The following NXPE2 variants were observed in gnomAD, a reference collection of about 807,000 sequenced individuals.
The protein encoded by NXPE2 is NXPE family member 2.
In NXPE2, 34 loss-of-function variants were observed where a neutral mutation model predicts 34.4. That is an observed-to-expected ratio of 0.99 (90% CI 0.75 to 1.31). The LOEUF is 1.31. Ranked by LOEUF, NXPE2 falls within the 40% of genes most tolerant of loss-of-function variation. NXPE2 has a pLI of 0.00. For synonymous variants in NXPE2, 235 were observed against 231.3 expected (o/e 1.02, Z -0.15); for missense variants, 649 against 672.5 (o/e 0.97, Z 0.39).
intron 2 of NXPE2, among the ~76,000 whole-genome samples, chr11:114,693,629 T>G (rs1951194188): frequency 6.6e-6 from 1 of 152,132 alleles, no homozygotes; most frequent in South Asian, 2.1e-4. Context: ...AATGCTTGTT[T>G]TAAAAATAAA....
At chr11:114,804,891 A>G in the NXPE2 span, among the ~76,000 whole-genome samples, 1 of 152,220 alleles carries the variant, frequency 6.6e-6, no homozygotes, top group African/African-American at 2.4e-5. Flanking sequence ...CACTCTGTAG[A>G]CTACTATCCA....
At chr11:114,807,339 C>T in the NXPE2 span, among the ~76,000 whole-genome samples, 559 of 152,244 alleles carry the variant, frequency 3.7e-3, 1 homozygote, top group Middle Eastern at 0.02. Context: ...TCACACATAA[C>T]AATATTAACT....
the NXPE2 span, among the ~76,000 whole-genome samples, chr11:114,507,094 C>T: frequency 6.6e-6 from 1 of 151,958 alleles, no homozygotes; most frequent in Non-Finnish European, 1.5e-5. Context: ...ATTATAAACA[C>T]CTCTATGTAC....
chr11:114,705,449 C>T (rs1215734462), intron 4 of NXPE2, among the ~76,000 whole-genome samples: 3 of 152,194 alleles, frequency 2.0e-5, no homozygotes, highest in African/African-American at 7.2e-5. Context: ...CCACTGTGCC[C>T]TGCTATTTCA....
chr11:114,705,022 A>G (rs983182296), intron 4 of NXPE2, among the ~76,000 whole-genome samples: 1 of 152,200 alleles, frequency 6.6e-6, no homozygotes, highest in Non-Finnish European at 1.5e-5. Context: ...AAGTTCCTCA[A>G]TGTGTACCCC....
At chr11:114,627,846 C>CA in the NXPE2 span, among the ~76,000 whole-genome samples, 1 of 150,344 alleles carries the variant, frequency 6.7e-6, no homozygotes, top group Admixed American at 6.6e-5. Context: ...AAATGGAAAA[C>CA]AAAAAAATGC....
the NXPE2 span, among the ~76,000 whole-genome samples, chr11:114,578,517 T>C: frequency 1.3e-5 from 2 of 152,148 alleles, no homozygotes; most frequent in Non-Finnish European, 2.9e-5. Flanking sequence ...TTACCAGAGA[T>C]CACAATTTAA....
intron 2 of NXPE2, among the ~76,000 whole-genome samples, chr11:114,681,873 G>T (rs1421202461): frequency 6.6e-6 from 1 of 152,196 alleles, no homozygotes; most frequent in South Asian, 2.1e-4. Context: ...GAACCTATTA[G>T]TAATATCTTA....
At chr11:114,493,288 T>A in the NXPE2 span, among the ~76,000 whole-genome samples, 1 of 152,194 alleles carries the variant, frequency 6.6e-6, no homozygotes, top group African/African-American at 2.4e-5. Flanking sequence ...TTACTTTTGA[T>A]TGAAGAGTTT....
the NXPE2 span, among the ~76,000 whole-genome samples, chr11:114,608,494 T>C: frequency 2.7e-5 from 4 of 150,656 alleles, no homozygotes; most frequent in African/African-American, 9.7e-5. Flanking sequence ...CAATGTTACC[T>C]GGTAGATGAT....
chr11:114,494,940 G>A, the NXPE2 span, among the ~76,000 whole-genome samples: 1 of 152,242 alleles, frequency 6.6e-6, no homozygotes. Context: ...CCTAAACCCA[G>A]TAATACTGTG....
the NXPE2 span, among the ~76,000 whole-genome samples, chr11:114,486,562 A>C: frequency 6.6e-6 from 1 of 152,116 alleles, no homozygotes; most frequent in Non-Finnish European, 1.5e-5. Flanking sequence ...ATAGTCAAGA[A>C]ATCCTTGACT....
At chr11:114,562,950 A>G in the NXPE2 span, among the ~76,000 whole-genome samples, 2 of 152,038 alleles carry the variant, frequency 1.3e-5, no homozygotes, top group African/African-American at 4.8e-5. Context: ...AGAGAGACCC[A>G]TTTCTTTTCA....
the NXPE2 span, among the ~76,000 whole-genome samples, chr11:114,624,737 C>A: frequency 4.0e-5 from 6 of 150,986 alleles, no homozygotes; most frequent in Admixed American, 6.6e-5. Flanking sequence ...GTATTGCCTC[C>A]AGGGTAACCA....
the NXPE2 span, among the ~76,000 whole-genome samples, chr11:114,670,269 G>A: frequency 6.6e-6 from 1 of 152,044 alleles, no homozygotes; most frequent in Non-Finnish European, 1.5e-5. Flanking sequence ...TGGTCAAAGA[G>A]AGCCTTGATA....
the NXPE2 span, among the ~76,000 whole-genome samples, chr11:114,567,594 T>C: frequency 6.6e-6 from 1 of 152,230 alleles, no homozygotes; most frequent in Non-Finnish European, 1.5e-5. Context: ...AGTTTAGTAA[T>C]TCTTTATATC....
chr11:114,602,106 A>T, the NXPE2 span, among the ~76,000 whole-genome samples: 1 of 97,292 alleles, frequency 1.0e-5, no homozygotes. Flanking sequence ...ATATATTATA[A>T]TATATATAAT....
chr11:114,627,427 T>G, the NXPE2 span, among the ~76,000 whole-genome samples: 1 of 151,376 alleles, frequency 6.6e-6, no homozygotes, highest in African/African-American at 2.4e-5. Flanking sequence ...CTAAGCTTCA[T>G]AAGTGAAGGA....
At chr11:114,596,116 C>T in the NXPE2 span, among the ~76,000 whole-genome samples, 3 of 152,180 alleles carry the variant, frequency 2.0e-5, no homozygotes, top group African/African-American at 7.2e-5. Flanking sequence ...GCGTTATCAT[C>T]AAGACCCAGT....
Sources: gnomAD v4.1 joint callset for allele counts (sites outside exome capture counted in the v4.1 genomes callset) on GRCh38, gnomAD v4.1.1 for gene constraint, MANE v1.5 for transcripts, NCBI Gene and HGNC (gene_info 2026-07-23, HGNC 2026-07-21) for gene names.